The following TMPRSS9 variants were observed in gnomAD, a reference collection of about 807,000 sequenced individuals.
The protein encoded by TMPRSS9 is transmembrane protease serine 9.
TMPRSS9 carries 113 observed loss-of-function variants against 111.4 expected under a neutral mutation model. The observed-to-expected ratio is 1.01, with a 90% confidence interval of 0.87 to 1.19. The LOEUF (loss-of-function observed/expected upper bound fraction) is 1.19, where lower values mean the gene tolerates loss of function less well. TMPRSS9 is among the 50% of genes most tolerant of loss of function. TMPRSS9 has a pLI of 0.00. For synonymous variants in TMPRSS9, 805 were observed against 659.1 expected (o/e 1.22, Z -3.39); for missense variants, 1,803 against 1,513.1 (o/e 1.19, Z -3.18).
intron 1 of TMPRSS9, among the ~76,000 whole-genome samples, chr19:2,368,773 A>AGTTTTTTTTTT (rs1970265888): frequency 5.0e-5 from 3 of 60,228 alleles, no homozygotes; most frequent in African/African-American, 1.5e-4. Context: ...GGATAAACCC[A>AGTTTTTTTTTT]GTTTTTTTTT....
rs750452586 is a variant in TMPRSS9 at position 2,416,591 on chromosome 19, T to C, written c.1799T>C (p.Leu600Pro). ...CTGGGCACTGCGTCCCTCCTGGGCC[T>C]GGGCGGGAGCCCGGTGAAGATCGGG... The change falls in exon 12 of 18, where the codon CTG (leucine) becomes CCG (proline). Residue 600 changes from leucine (L) to proline (P), a missense_variant. By Grantham distance (98) the Leu-to-Pro change is moderately conservative. Transcript: ENST00000648592. 59 of 1,612,170 alleles carry C rather than the reference T, an allele frequency of 3.7e-5. 1 individual carries two copies. Among genetic ancestry groups the C allele is most frequent in the Non-Finnish European group, 4.0e-5 (47 of 1,179,994 alleles).
chr19:2,401,199 G>A (rs930445706), intron 4 of TMPRSS9, among the ~76,000 whole-genome samples: 5 of 152,166 alleles, frequency 3.3e-5, no homozygotes, highest in East Asian at 1.9e-4. Context: ...GCGTGAACCC[G>A]GGAGGCGGAG....
At chr19:2,421,564 G>A (rs915075990) in intron 13 of TMPRSS9, among the ~76,000 whole-genome samples, 2 of 152,212 alleles carry the variant, frequency 1.3e-5, no homozygotes, top group Non-Finnish European at 2.9e-5. Flanking sequence ...TGGGATTACA[G>A]GCGTGAGCCA....
intron 1 of TMPRSS9, among the ~76,000 whole-genome samples, chr19:2,391,036 G>GA (rs1568175527): frequency 3.2e-5 from 2 of 62,744 alleles, no homozygotes; most frequent in African/African-American, 1.2e-4. Flanking sequence ...AGAAAGAAAG[G>GA]GAGGGAGGGA....
At chr19:2,384,851 A>G (rs541097191), upstream of TMPRSS9, among the ~76,000 whole-genome samples, 3 of 148,226 alleles carry the variant, frequency 2.0e-5, no homozygotes, top group South Asian at 2.1e-4. Context: ...GTGTGGTGGC[A>G]TGCACCTGTA....
At chr19:2,389,698 T>C (rs1282708351), upstream of TMPRSS9, 2 of 1,484,128 alleles carry the variant, frequency 1.3e-6, no homozygotes, top group East Asian at 4.9e-5. Context: ...AACCCTTGCT[T>C]ATGGGAAGAG....
upstream of TMPRSS9, among the ~76,000 whole-genome samples, chr19:2,387,013 G>C (rs564918457): frequency 3.9e-5 from 6 of 152,112 alleles, no homozygotes; most frequent in East Asian, 1.2e-3. Flanking sequence ...CTGAGGCCAG[G>C]AGTTCAAAAC....
At chr19:2,414,152 C>T in intron 10 of TMPRSS9, 134 bp downstream of exon 11, 2 of 951,608 alleles carry the variant, frequency 2.1e-6, no homozygotes, top group Admixed American at 5.8e-5. Context: ...TCCGTTTATT[C>T]CCATCTTACG....
Position 2,392,369 on chromosome 19 carries a change from G to A in TMPRSS9, c.142+2442G>A, listed in dbSNP as rs151336323. Among the ~76,000 whole-genome samples, 953 of 151,242 alleles carry A rather than the reference G, an allele frequency of 6.3e-3. 9 individuals carry two copies. Among genetic ancestry groups the A allele is most frequent in the Middle Eastern group, 0.017 (5 of 294 alleles). ...GATCACACCACTGCACTCCAGCTTG[G>A]GAGACAGAGTGACACCCTGATAAAA... On this transcript the variant is annotated intron_variant, in intron 1 of 17. Transcript: ENST00000648592.
At chr19:2,379,000 GAC>G (rs1421962307) in intron 1 of TMPRSS9, among the ~76,000 whole-genome samples, 2 of 152,040 alleles carry the variant, frequency 1.3e-5, no homozygotes, top group African/African-American at 4.8e-5. Flanking sequence ...TCCCTCCCAT[GAC>G]ACATGGGGAT....
chr19:2,397,358 A>T (rs1401931423), intron 2 of TMPRSS9, among the ~76,000 whole-genome samples: 2 of 151,016 alleles, frequency 1.3e-5, no homozygotes, highest in Non-Finnish European at 3.0e-5. Context: ...TGGCAGGATC[A>T]TGGCTCACTG....
chr19:2,405,609 A>C, intron 7 of TMPRSS9, 64 bp downstream of exon 8: 1 of 1,427,352 alleles, frequency 7.0e-7, no homozygotes. Context: ...TCCCTCGTGC[A>C]CTGGGGACGT....
At chr19:2,381,369 T>C (rs930167169) in intron 1 of TMPRSS9, among the ~76,000 whole-genome samples, 2 of 151,728 alleles carry the variant, frequency 1.3e-5, no homozygotes, top group African/African-American at 4.8e-5. Context: ...TGTGCGTGTG[T>C]GTGTGTGTGT....
chr19:2,389,441 T>G (rs993066313), upstream of TMPRSS9, among the ~76,000 whole-genome samples: 2 of 118,060 alleles, frequency 1.7e-5, no homozygotes, highest in African/African-American at 6.5e-5. Context: ...GTGATCTCGG[T>G]TCACTGCAGC....
chr19:2,365,534 G>C (rs557166357), intron 1 of TMPRSS9, among the ~76,000 whole-genome samples: 1 of 151,964 alleles, frequency 6.6e-6, no homozygotes, highest in East Asian at 1.9e-4. Flanking sequence ...GCTGCCGTGG[G>C]ACCAAAGATG....
chr19:2,382,649 GCA>G (rs1568171777), intron 1 of TMPRSS9, among the ~76,000 whole-genome samples: 2 of 147,740 alleles, frequency 1.4e-5, no homozygotes, highest in Admixed American at 6.9e-5. Flanking sequence ...GACCACACAT[GCA>G]CACATACACA....
intron 9 of TMPRSS9, among the ~76,000 whole-genome samples, chr19:2,410,899 C>T (rs1477124408): frequency 2.6e-5 from 4 of 152,126 alleles, no homozygotes; most frequent in Middle Eastern, 3.2e-3. Context: ...ATACCCTGGG[C>T]ATCAGATTCT....
intron 2 of TMPRSS9, 96 bp downstream of exon 3, chr19:2,396,762 C>T: frequency 6.8e-7 from 1 of 1,471,862 alleles, no homozygotes. Flanking sequence ...AGGCAGGCCA[C>T]AGGCAACGAA....
At chr19:2,384,812 CAAAAAAA>C (rs1176243923), upstream of TMPRSS9, among the ~76,000 whole-genome samples, 1 of 94,374 alleles carries the variant, frequency 1.1e-5, no homozygotes, top group African/African-American at 4.2e-5. Flanking sequence ...AAGGCTCCGT[CAAAAAAA>C]AAAAAAAAAA....
Sources: gnomAD v4.1 joint callset for allele counts (sites outside exome capture counted in the v4.1 genomes callset) on GRCh38, gnomAD v4.1.1 for gene constraint, MANE v1.5 for transcripts, NCBI Gene and HGNC (gene_info 2026-07-23, HGNC 2026-07-21) for gene names.